Variants in NRF1 observed in about 807,000 individuals in gnomAD.
NRF1 encodes the protein nuclear respiratory factor 1.
A neutral mutation model predicts 58.5 loss-of-function variants in NRF1; 5 were observed. The observed-to-expected ratio is 0.09, with a 90% CI of 0.04 to 0.18. NRF1 has a LOEUF of 0.18. Ranked by LOEUF, NRF1 falls within the 10% of genes least tolerant of loss-of-function variation. The pLI is 1.00. For synonymous variants in NRF1, 224 were observed against 246.7 expected (o/e 0.91, Z 0.86); for missense variants, 288 against 657.7 (o/e 0.44, Z 6.15).
intron 1 of NRF1, among the ~76,000 whole-genome samples, chr7:129,613,847 A>G (rs1331042411): frequency 1.3e-5 from 2 of 152,096 alleles, no homozygotes; most frequent in Non-Finnish European, 2.9e-5. Context: ...CCTGGGAGGC[A>G]GAAGTTGCAG....
chr7:129,705,353 C>A (rs564807364), intron 5 of NRF1, among the ~76,000 whole-genome samples: 2 of 151,988 alleles, frequency 1.3e-5, no homozygotes, highest in Non-Finnish European at 2.9e-5. Flanking sequence ...TGTAGTTGAG[C>A]GATCGTAGCT....
At chr7:129,682,570 A>C (rs767141611) in intron 4 of NRF1, among the ~76,000 whole-genome samples, 102 of 151,328 alleles carry the variant, frequency 6.7e-4, no homozygotes, top group Non-Finnish European at 1.3e-3. Flanking sequence ...TCTGAATAAC[A>C]GATTTAATAA....
intron 10 of NRF1, among the ~76,000 whole-genome samples, chr7:129,738,326 G>A (rs1427841647): frequency 6.6e-6 from 1 of 152,240 alleles, no homozygotes; most frequent in Non-Finnish European, 1.5e-5. Flanking sequence ...AGCGTTGCCT[G>A]TGGCTCCAGC....
intron 3 of NRF1, among the ~76,000 whole-genome samples, chr7:129,675,442 T>C (rs1802154239): frequency 6.6e-6 from 1 of 152,218 alleles, no homozygotes; most frequent in South Asian, 2.1e-4. Flanking sequence ...TTTCAATTTA[T>C]TTTACCCAGA....
chr7:129,684,668 A>G (rs1182619127), intron 4 of NRF1, among the ~76,000 whole-genome samples: 21 of 152,194 alleles, frequency 1.4e-4, no homozygotes, highest in Admixed American at 3.3e-4. Context: ...TCATTTCCCT[A>G]ATGATTAATG....
chr7:129,649,071 A>C (rs1801477212), intron 1 of NRF1, among the ~76,000 whole-genome samples: 1 of 152,032 alleles, frequency 6.6e-6, no homozygotes, highest in Non-Finnish European at 1.5e-5. Flanking sequence ...ACTCACAATT[A>C]AGCCACATTT....
chr7:129,695,025 A>C (rs114229681), intron 5 of NRF1, among the ~76,000 whole-genome samples: 47 of 152,340 alleles, frequency 3.1e-4, no homozygotes, highest in African/African-American at 1.1e-3. Context: ...GTGAACTGTT[A>C]GACACTAAAA....
At chr7:129,678,379 C>T (rs958523402) in intron 4 of NRF1, among the ~76,000 whole-genome samples, 4 of 152,212 alleles carry the variant, frequency 2.6e-5, no homozygotes, top group East Asian at 3.9e-4. Context: ...ATTTAAATTG[C>T]ATTTTGTTTT....
intron 1 of NRF1, among the ~76,000 whole-genome samples, chr7:129,650,786 A>G (rs1207832598): frequency 6.6e-6 from 1 of 152,020 alleles, no homozygotes; most frequent in East Asian, 1.9e-4. Flanking sequence ...TAACTTGTCC[A>G]GGGGTTCTGG....
At chr7:129,621,639 C>A (rs970478664) in intron 1 of NRF1, among the ~76,000 whole-genome samples, 4 of 151,968 alleles carry the variant, frequency 2.6e-5, no homozygotes, top group Admixed American at 2.6e-4. Flanking sequence ...GTCTCTTACC[C>A]CAAAACTAGC....
At chr7:129,674,696 A>G (rs993118167) in intron 3 of NRF1, among the ~76,000 whole-genome samples, 4 of 152,088 alleles carry the variant, frequency 2.6e-5, no homozygotes, top group African/African-American at 9.7e-5. Flanking sequence ...CAACCTCCCA[A>G]AGTGCTGGGA....
chr7:129,690,390 C>T lies in NRF1; in HGVS notation c.466-16C>T. 6.2e-7 allele frequency: 1 copy of T among 1,609,972 alleles called. No homozygotes were observed. The highest frequency in any genetic ancestry group is 2.2e-5 in the East Asian group (1 of 44,692). On this transcript the variant is annotated splice_polypyrimidine_tract_variant and intron_variant, in intron 4 of 10. Transcript: ENST00000393232. ...TGTTGGGCATCTTGTTTACTTCTGCCCTTAATTCCCTGCAGGTGCGTAAGT... is the reference window on the plus strand; with the variant it reads ...TGTTGGGCATCTTGTTTACTTCTGCTCTTAATTCCCTGCAGGTGCGTAAGT...
chr7:129,723,979 G>T (rs1355209820), intron 9 of NRF1, among the ~76,000 whole-genome samples: 1 of 152,082 alleles, frequency 6.6e-6, no homozygotes. Context: ...AGAAAACATG[G>T]GGCAAAACTT....
At chr7:129,679,416 A>C (rs760703343) in intron 4 of NRF1, among the ~76,000 whole-genome samples, 34 of 152,254 alleles carry the variant, frequency 2.2e-4, no homozygotes, top group Non-Finnish European at 4.0e-4. Context: ...TATATAAAGA[A>C]TTCTGATATG....
At chr7:129,671,591 G>A (rs746657201) in intron 3 of NRF1, 48 bp downstream of exon 3, 2 of 1,010,732 alleles carry the variant, frequency 2.0e-6, no homozygotes, top group Admixed American at 1.8e-5. Flanking sequence ...AATACTTCCT[G>A]TGGATGACAG....
At chr7:129,729,419 G>A (rs1001083827) in intron 10 of NRF1, among the ~76,000 whole-genome samples, 2 of 152,182 alleles carry the variant, frequency 1.3e-5, no homozygotes, top group African/African-American at 4.8e-5. Flanking sequence ...ATTCTGGTTC[G>A]CATCCTAAAA....
chr7:129,732,727 C>T (rs762148840), intron 10 of NRF1, among the ~76,000 whole-genome samples: 15 of 151,982 alleles, frequency 9.9e-5, no homozygotes, highest in Non-Finnish European at 1.8e-4. Context: ...CTCAGCCTCC[C>T]GAGTAGCTGG....
chr7:129,753,167 C>A (rs1804163732), intron 10 of NRF1, among the ~76,000 whole-genome samples: 2 of 151,836 alleles, frequency 1.3e-5, no homozygotes, highest in South Asian at 4.1e-4. Flanking sequence ...ATTTTGACAA[C>A]CCTTTTTAAA....
chr7:129,755,523 C>CATAT lies in NRF1; in HGVS notation c.*348_*351dup, dbSNP rs1471457421. On this transcript the variant is annotated 3_prime_UTR_variant, in exon 11 of 11. Coordinates refer to ENST00000393232, the MANE Select transcript of NRF1 (RefSeq NM_005011.5). This position sits in a 1 kb window ranked among gnomAD's most constrained non-coding sequence, Gnocchi z 5.8. Reference sequence around the variant, plus strand: ...GTGTACATATGGACATACACATTTACATATATATAAAGTATATATATACAT... The same window carrying CATAT: ...GTGTACATATGGACATACACATTTACATATATATATATAAAGTATATATATACAT... 1 of 115,194 alleles carries CATAT rather than the reference C, an allele frequency of 8.7e-6. No homozygotes were observed. The highest frequency in any genetic ancestry group is 3.5e-5 in the African/African-American group (1 of 28,796). The allele number at this position is 115,194 out of a possible 1,614,324, so 7.1% of individuals were successfully genotyped here.
Sources: gnomAD v4.1 joint callset for allele counts (sites outside exome capture counted in the v4.1 genomes callset) on GRCh38, gnomAD v4.1.1 for gene constraint, Gnocchi (gnomAD v3.1) non-coding constraint, MANE v1.5 for transcripts, NCBI Gene and HGNC (gene_info 2026-07-23, HGNC 2026-07-21) for gene names.